The following CDCP1 variants were observed in gnomAD, a reference collection of about 807,000 sequenced individuals.
The protein encoded by CDCP1 is CUB domain-containing protein 1.
Under a neutral mutation model 60.2 loss-of-function variants are expected in CDCP1, and 29 were observed. The ratio of observed to expected loss-of-function variants is 0.48; its 90% CI spans 0.36 to 0.66. The LOEUF is 0.66. CDCP1 is among the 30% of genes least tolerant of loss of function. The pLI, the probability that CDCP1 is intolerant of heterozygous loss-of-function variation, is 0.00. For synonymous variants in CDCP1, 387 were observed against 431.1 expected, an observed-to-expected ratio of 0.90 and a Z score of 1.27; for missense variants, 876 against 1,074.3, an observed-to-expected ratio of 0.82 and a Z score of 2.58.
chr3:45,096,609 G>T (rs1462847023), intron 4 of CDCP1, among the ~76,000 whole-genome samples: 1 of 100,162 alleles, frequency 1.0e-5, no homozygotes, highest in African/African-American at 3.7e-5. Context: ...TAGTGACAGA[G>T]CAAGACTCCG....
chr3:45,111,395 G>T (rs1698689975), intron 3 of CDCP1, among the ~76,000 whole-genome samples: 1 of 152,178 alleles, frequency 6.6e-6, no homozygotes, highest in Non-Finnish European at 1.5e-5. Context: ...TCAGCTCTCT[G>T]CCAGGTGCAG....
intron 1 of CDCP1, among the ~76,000 whole-genome samples, chr3:45,126,334 T>C (rs1699000583): frequency 6.6e-6 from 1 of 151,864 alleles, no homozygotes; most frequent in Admixed American, 6.6e-5. Flanking sequence ...AATGCAGTTG[T>C]TGGCTGATTC....
At chr3:45,131,935 G>A (rs1418453093) in intron 1 of CDCP1, among the ~76,000 whole-genome samples, 1 of 152,110 alleles carries the variant, frequency 6.6e-6, no homozygotes, top group Admixed American at 6.5e-5. Flanking sequence ...TTTTTTTGGC[G>A]ATTAAGAGCC....
chr3:45,089,004 G>A, intron 8 of CDCP1, 50 bp downstream of exon 8: 2 of 1,381,234 alleles, frequency 1.4e-6, no homozygotes, highest in Non-Finnish European at 2.1e-6. Context: ...CAGTCTGTGT[G>A]ATCTGAGGAG....
intron 1 of CDCP1, among the ~76,000 whole-genome samples, chr3:45,137,125 A>T (rs1449052552): frequency 6.6e-6 from 1 of 152,268 alleles, no homozygotes; most frequent in Non-Finnish European, 1.5e-5. Context: ...CTGTTCCCAT[A>T]GGCAACCACT....
chr3:45,108,769 ATGCATG>A (rs1559392521), intron 4 of CDCP1, among the ~76,000 whole-genome samples: 114 of 81,656 alleles, frequency 1.4e-3, no homozygotes, highest in South Asian at 3.4e-3. Context: ...ATATATATAT[ATGCATG>A]TATACATATA....
chr3:45,121,726 G>A (rs1488950608), intron 1 of CDCP1, among the ~76,000 whole-genome samples: 2 of 152,196 alleles, frequency 1.3e-5, no homozygotes, highest in Non-Finnish European at 2.9e-5. Flanking sequence ...TGCAGGGTGA[G>A]GGGACTGTTT....
chr3:45,094,318 C>T (rs757908821), intron 5 of CDCP1, among the ~76,000 whole-genome samples: 15 of 152,062 alleles, frequency 9.9e-5, no homozygotes, highest in East Asian at 1.9e-4. Context: ...CTCCACCTCC[C>T]GGGTTCAGGC....
At chr3:45,087,398 G>A (rs748972097) in intron 8 of CDCP1, among the ~76,000 whole-genome samples, 1 of 152,184 alleles carries the variant, frequency 6.6e-6, no homozygotes, top group Non-Finnish European at 1.5e-5. Context: ...AACTGGCGCT[G>A]TTTCAAGATG....
At chr3:45,140,173 G>A (rs1699264596) in intron 1 of CDCP1, among the ~76,000 whole-genome samples, 1 of 152,192 alleles carries the variant, frequency 6.6e-6, no homozygotes, top group African/African-American at 2.4e-5. Flanking sequence ...TTTGTGACAT[G>A]GCAGATGCCA....
Position 45,093,664 on chromosome 3 carries a change from G to A in CDCP1, c.1247-7C>T. ...TACCGGTGGTCTGTGCAGCCTGGAA[G>A]AAGTGGGGCATGCTAGCCATGCACA... On this transcript the variant is annotated splice_region_variant and splice_polypyrimidine_tract_variant and intron_variant, in intron 5 of 8. Transcript: ENST00000296129. 6.2e-7 allele frequency: 1 copy of A among 1,602,274 alleles called. No individual in the cohort carries two copies. Among genetic ancestry groups the A allele is most frequent in the South Asian group, 1.1e-5 (1 of 89,982 alleles).
At chr3:45,121,991 A>T (rs967215976) in intron 1 of CDCP1, among the ~76,000 whole-genome samples, 19 of 152,150 alleles carry the variant, frequency 1.2e-4, no homozygotes, top group African/African-American at 4.6e-4. Context: ...AAATCTCTTT[A>T]ACTTAGATTC....
chr3:45,088,998 C>A, intron 8 of CDCP1, 56 bp downstream of exon 8: 2 of 1,322,402 alleles, frequency 1.5e-6, no homozygotes, highest in South Asian at 1.2e-5. Flanking sequence ...TCCACCCAGT[C>A]TGTGTGATCT....
At chr3:45,145,375 A>G (rs542448644) in intron 1 of CDCP1, among the ~76,000 whole-genome samples, 1 of 152,182 alleles carries the variant, frequency 6.6e-6, no homozygotes, top group Non-Finnish European at 1.5e-5. Context: ...AAACCAGGTT[A>G]TTTACTACGT....
At chr3:45,095,942 G>A (rs1698389603) in intron 4 of CDCP1, among the ~76,000 whole-genome samples, 1 of 152,206 alleles carries the variant, frequency 6.6e-6, no homozygotes, top group African/African-American at 2.4e-5. Flanking sequence ...TCACAGGAAA[G>A]GAGATATAAA....
chr3:45,095,724 A>G (rs993183031), intron 4 of CDCP1, among the ~76,000 whole-genome samples, 156 bp from the exon 5 acceptor site: 11 of 152,256 alleles, frequency 7.2e-5, no homozygotes, highest in Admixed American at 2.0e-4. Flanking sequence ...CAACATTACA[A>G]TAACTATAAA....
chr3:45,116,761 G>A (rs1012939964), intron 2 of CDCP1, among the ~76,000 whole-genome samples: 11 of 151,954 alleles, frequency 7.2e-5, no homozygotes, highest in African/African-American at 1.2e-4. Flanking sequence ...CCCCTGTCTC[G>A]GGCATTTTTT....
At position 45,085,988 on chromosome 3, in the gene CDCP1, T is replaced by G. The variant is rs996636242; in HGVS notation, c.2161A>C (p.Lys721Gln). The G allele has an allele frequency of 6.2e-7, 1 of 1,614,044 alleles. No homozygotes were observed. Among genetic ancestry groups the G allele is most frequent in the African/African-American group, 1.3e-5 (1 of 74,920 alleles). ...INTEMPRQPK[K>Q]FQKGRKDNDS... is the part of the protein sequence containing the mutation. ...TTGTCCTTTCGCCCTTTCTGAAACTTTTTTGGCTGCCTCGGCATCTCAGTA... is the reference window on the plus strand; with the variant it reads ...TTGTCCTTTCGCCCTTTCTGAAACTGTTTTGGCTGCCTCGGCATCTCAGTA... The change falls in exon 9 of 9, where the codon AAG becomes CAG. Residue 721 changes from lysine to glutamine, a missense_variant. Physicochemically the swap from Lys to Gln is moderately conservative, Grantham distance 53. Around this residue, in one of 2 missense-constraint regions of CDCP1, gnomAD observed 726 missense variants for 935.7 expected, o/e 0.78. Transcript: ENST00000296129. The surrounding 1 kb of genome is among the most constrained non-coding windows in gnomAD (Gnocchi z 4.2).
At chr3:45,109,850 C>T (rs554203714) in intron 4 of CDCP1, among the ~76,000 whole-genome samples, 135 of 152,248 alleles carry the variant, frequency 8.9e-4, no homozygotes, top group African/African-American at 3.1e-3. Context: ...TGATGTCCAA[C>T]CTAATTCTCA....
Sources: gnomAD v4.1 joint callset for allele counts (sites outside exome capture counted in the v4.1 genomes callset) on GRCh38, gnomAD v4.1.1 for gene constraint, gnomAD v4.1.1 regional missense constraint, Gnocchi (gnomAD v3.1) non-coding constraint, MANE v1.5 for transcripts, NCBI Gene and HGNC (gene_info 2026-07-23, HGNC 2026-07-21) for gene names.